The following SLC44A5 variants were observed in gnomAD, a reference collection of about 807,000 sequenced individuals.
The protein encoded by SLC44A5 is solute carrier family 44 member 5.
Under a neutral mutation model 101.8 loss-of-function variants are expected in SLC44A5, and 57 were observed. The observed-to-expected ratio is 0.56, with a 90% CI of 0.45 to 0.70. The LOEUF is 0.70. Among genes scored for constraint, SLC44A5 ranks in the 30% least tolerant of loss-of-function variants. SLC44A5 has a pLI of 0.00. For synonymous variants in SLC44A5, 281 were observed against 290.9 expected (o/e 0.97, Z 0.35); for missense variants, 737 against 853.1 (o/e 0.86, Z 1.70).
At chr1:75,594,017 G>A (rs1359598981) in intron 1 of SLC44A5, among the ~76,000 whole-genome samples, 1 of 152,022 alleles carries the variant, frequency 6.6e-6, no homozygotes, top group Non-Finnish European at 1.5e-5. Flanking sequence ...CAACTCAGTG[G>A]ATAAATGCTT....
intron 2 of SLC44A5, among the ~76,000 whole-genome samples, chr1:75,520,028 A>G (rs1196510294): frequency 6.6e-6 from 1 of 152,236 alleles, no homozygotes; most frequent in Non-Finnish European, 1.5e-5. Flanking sequence ...AAAACATACC[A>G]TGATGGAGAC....
intron 1 of SLC44A5, among the ~76,000 whole-genome samples, chr1:75,576,186 A>G (rs891137101): frequency 2.2e-4 from 33 of 152,152 alleles, no homozygotes; most frequent in African/African-American, 8.0e-4. Context: ...ATATTTTTAT[A>G]AAAGAAATAG....
chr1:75,407,155 A>T (rs1662928698), intron 2 of SLC44A5, among the ~76,000 whole-genome samples: 1 of 152,210 alleles, frequency 6.6e-6, no homozygotes, highest in Non-Finnish European at 1.5e-5. Context: ...CTTACAAAGG[A>T]TGTGAAGGAC....
intron 2 of SLC44A5, among the ~76,000 whole-genome samples, chr1:75,507,930 G>C (rs992579082): frequency 1.3e-5 from 2 of 152,102 alleles, no homozygotes; most frequent in Admixed American, 6.5e-5. Context: ...ATAATAGTGG[G>C]AGACTTCAAC....
At chr1:75,309,582 A>G (rs1655152394) in intron 4 of SLC44A5, among the ~76,000 whole-genome samples, 1 of 152,264 alleles carries the variant, frequency 6.6e-6, no homozygotes, top group Non-Finnish European at 1.5e-5. Context: ...AAATAACAGC[A>G]AACATTATAC....
At chr1:75,530,367 A>C (rs970043253) in intron 2 of SLC44A5, among the ~76,000 whole-genome samples, 1 of 152,168 alleles carries the variant, frequency 6.6e-6, no homozygotes, top group Non-Finnish European at 1.5e-5. Context: ...ATGCTACCCA[A>C]ACTATTGGTA....
chr1:75,342,125 A>G (rs1246013855), intron 3 of SLC44A5, among the ~76,000 whole-genome samples: 1 of 152,198 alleles, frequency 6.6e-6, no homozygotes, highest in Non-Finnish European at 1.5e-5. Flanking sequence ...GAGTTTTGGG[A>G]GACACTACCA....
intron 2 of SLC44A5, among the ~76,000 whole-genome samples, chr1:75,504,393 T>C (rs1669134222): frequency 6.6e-6 from 1 of 152,266 alleles, no homozygotes; most frequent in South Asian, 2.1e-4. Context: ...CATGGATCTG[T>C]TTATTTTGCA....
At chr1:75,559,898 A>G (rs987442138) in intron 1 of SLC44A5, among the ~76,000 whole-genome samples, 1 of 152,206 alleles carries the variant, frequency 6.6e-6, no homozygotes, top group Non-Finnish European at 1.5e-5. Flanking sequence ...ACATTTATCC[A>G]AAGAATATAT....
the SLC44A5 span, among the ~76,000 whole-genome samples, chr1:75,679,016 T>C: frequency 4.0e-5 from 6 of 151,852 alleles, no homozygotes; most frequent in African/African-American, 1.5e-4. Flanking sequence ...GTATCAGCGA[T>C]GGAAGATGAA....
At chr1:75,426,836 A>C (rs918863413) in intron 2 of SLC44A5, among the ~76,000 whole-genome samples, 8 of 152,232 alleles carry the variant, frequency 5.3e-5, no homozygotes, top group Admixed American at 5.2e-4. Flanking sequence ...TTCTAGCGGC[A>C]CTGATAGCAG....
intron 2 of SLC44A5, among the ~76,000 whole-genome samples, chr1:75,472,113 G>A (rs889600967): frequency 2.4e-4 from 37 of 151,344 alleles, no homozygotes; most frequent in African/African-American, 8.7e-4. Flanking sequence ...CTGGGGCCTG[G>A]GTGTTTATTC....
At chr1:75,491,300 T>C (rs115950573) in intron 2 of SLC44A5, among the ~76,000 whole-genome samples, 2,011 of 152,272 alleles carry the variant, frequency 0.013, 18 homozygotes, top group Non-Finnish European at 0.019. Context: ...GAGGTCGAAG[T>C]TGATATGCTG....
At chr1:75,477,040 C>T (rs1557826267) in intron 2 of SLC44A5, among the ~76,000 whole-genome samples, 1 of 152,228 alleles carries the variant, frequency 6.6e-6, no homozygotes, top group South Asian at 2.1e-4. Flanking sequence ...GGACCCGGTA[C>T]TCCTCTGAGA....
the SLC44A5 span, among the ~76,000 whole-genome samples, chr1:75,687,366 C>A: frequency 6.6e-6 from 1 of 152,134 alleles, no homozygotes; most frequent in Non-Finnish European, 1.5e-5. Context: ...TGCAGTGGCA[C>A]AATCTCCACT....
chr1:75,637,242 CA>C, the SLC44A5 span, among the ~76,000 whole-genome samples: 1 of 151,884 alleles, frequency 6.6e-6, no homozygotes, highest in Non-Finnish European at 1.5e-5. Flanking sequence ...TCACAGTAGC[CA>C]AAAGGTGGAA....
At chr1:75,698,523 C>T in the SLC44A5 span, among the ~76,000 whole-genome samples, 6 of 152,116 alleles carry the variant, frequency 3.9e-5, no homozygotes, top group East Asian at 1.9e-4. Context: ...CATCAAAGAC[C>T]AAAACTAGAT....
chr1:75,238,852 A>C (rs1038350716), intron 9 of SLC44A5, among the ~76,000 whole-genome samples: 1 of 152,074 alleles, frequency 6.6e-6, no homozygotes, highest in Non-Finnish European at 1.5e-5. Context: ...ACTACATTCT[A>C]AACTTGATTA....
chr1:75,616,261 G>T, the SLC44A5 span, among the ~76,000 whole-genome samples: 5 of 140,284 alleles, frequency 3.6e-5, no homozygotes, highest in Non-Finnish European at 6.3e-5. Flanking sequence ...CCCCACCCCC[G>T]GTGTCCCGTC....
Sources: allele counts gnomAD v4.1 joint callset (sites outside exome capture counted in the v4.1 genomes callset), GRCh38; gene constraint gnomAD v4.1.1; transcripts MANE v1.5; gene names NCBI Gene and HGNC (gene_info 2026-07-23, HGNC 2026-07-21).